The following MAGI2 variants were observed in gnomAD, a reference collection of about 807,000 sequenced individuals.
The protein encoded by MAGI2 is membrane-associated guanylate kinase, WW and PDZ domain-containing protein 2.
Under a neutral mutation model 133.3 loss-of-function variants are expected in MAGI2, and 35 were observed. The observed-to-expected ratio is 0.26, with a 90% CI of 0.20 to 0.35. MAGI2 has a LOEUF of 0.35. Ranked by LOEUF, MAGI2 falls within the 10% of genes least tolerant of loss-of-function variation. The pLI is 1.00. For missense variants in MAGI2, 1,636 were observed against 1,863.4 expected (o/e 0.88, Z 2.25); for synonymous variants, 729 against 710.6 (o/e 1.03, Z -0.41).
rs1815768950 is a variant in MAGI2, at chr7:79,078,721, T to A, written c.302-71515A>T. ...AGTCAATGAGAGCCAATTTTTATAA[T>A]TTAACTACTATAAACCAAGGAAATA... On this transcript the variant is annotated intron_variant, in intron 1 of 21. Transcript: ENST00000354212. Among the ~76,000 whole-genome samples the A allele has an allele frequency of 2.0e-5, 3 of 152,342 alleles. No homozygotes were observed. In the South Asian group the frequency reaches 6.2e-4, roughly 32 times the overall value.
At chr7:79,299,063 T>A (rs1461258566) in intron 1 of MAGI2, among the ~76,000 whole-genome samples, 2 of 152,122 alleles carry the variant, frequency 1.3e-5, no homozygotes, top group African/African-American at 4.8e-5. Flanking sequence ...GTTTTAATTT[T>A]AAAAAACTGA....
intron 10 of MAGI2, among the ~76,000 whole-genome samples, chr7:78,208,030 C>T (rs969821757): frequency 6.6e-5 from 10 of 151,818 alleles, no homozygotes; most frequent in South Asian, 2.1e-4. Flanking sequence ...CCACCATGCC[C>T]GGCTAATTTT....
At chr7:78,346,179 T>A in intron 7 of MAGI2, 136 bp from the exon 8 acceptor site, 1 of 943,172 alleles carries the variant, frequency 1.1e-6, no homozygotes, top group Non-Finnish European at 1.6e-6. Flanking sequence ...CAGCACGCGG[T>A]CAGGCTCCTG....
intron 2 of MAGI2, among the ~76,000 whole-genome samples, chr7:78,666,896 C>T (rs1813654140): frequency 6.6e-6 from 1 of 152,144 alleles, no homozygotes; most frequent in South Asian, 2.1e-4. Flanking sequence ...ACATCAGTTT[C>T]TTCAACACCA....
At chr7:78,445,416 G>A in intron 6 of MAGI2, among the ~76,000 whole-genome samples, 1 of 151,960 alleles carries the variant, frequency 6.6e-6, no homozygotes. Context: ...GTAAAATTCA[G>A]AAAGATTATG....
chr7:78,786,744 C>A (rs1261973288), intron 2 of MAGI2, among the ~76,000 whole-genome samples: 1 of 152,142 alleles, frequency 6.6e-6, no homozygotes, highest in African/African-American at 2.4e-5. Context: ...TTCTTTAGTG[C>A]TTATCAGTAT....
intron 2 of MAGI2, among the ~76,000 whole-genome samples, chr7:78,951,600 G>C (rs951396350): frequency 4.6e-5 from 7 of 152,150 alleles, no homozygotes; most frequent in African/African-American, 1.7e-4. Context: ...GGAACTGCAA[G>C]TCAAGATGAG....
intron 2 of MAGI2, among the ~76,000 whole-genome samples, chr7:78,644,510 T>C (rs865860817): frequency 6.6e-6 from 1 of 152,104 alleles, no homozygotes; most frequent in South Asian, 2.1e-4. Flanking sequence ...GAAATATATC[T>C]GGAAAAGCCT....
chr7:78,302,782 C>T (rs1041168407), intron 9 of MAGI2, among the ~76,000 whole-genome samples: 2 of 152,194 alleles, frequency 1.3e-5, no homozygotes, highest in Non-Finnish European at 2.9e-5. Flanking sequence ...CCCCCATTCC[C>T]CACCAAGCTA....
In MAGI2 at chr7:78,502,868, C is replaced by T. The variant is rs74965876; in HGVS notation, c.755-1081G>A. On this transcript the variant is annotated intron_variant, in intron 4 of 21. Transcript: ENST00000354212. ...AGGAACGCACAAGGAAGAAATAAGT[C>T]GACAAACAATAGAAGAAAATTTATC... is the stretch of plus-strand genomic sequence containing the variant. Among the ~76,000 whole-genome samples the T allele has an allele frequency of 1.1e-4, 17 of 152,076 alleles. No homozygotes were observed. The East Asian group carries it at 2.7e-3, about 24-fold the overall frequency.
At position 79,051,282 on chromosome 7, in the gene MAGI2, G is replaced by A. The variant is rs142826146; in HGVS notation, c.302-44076C>T. ...CCTGTAATAGATTGTCACTAATACC[G>A]TGTTACCAAGACCCCTCATTGTTCC... On this transcript the variant is annotated intron_variant, in intron 1 of 21. Coordinates refer to ENST00000354212, the MANE Select transcript of MAGI2 (RefSeq NM_012301.4). 9.6e-4 allele frequency among the ~76,000 whole-genome samples: 146 copies of A among 152,176 alleles called. 1 individual carries two copies. The highest frequency in any genetic ancestry group is 3.0e-3 in the African/African-American group (125 of 41,514).
intron 1 of MAGI2, among the ~76,000 whole-genome samples, chr7:79,279,511 A>G (rs1835470274): frequency 6.6e-6 from 1 of 152,320 alleles, no homozygotes; most frequent in African/African-American, 2.4e-5. Flanking sequence ...TCAATTTGTC[A>G]AAAGTGGGTT....
chr7:78,511,548 T>TAA (rs762909105), intron 4 of MAGI2, among the ~76,000 whole-genome samples: 114 of 114,892 alleles, frequency 9.9e-4, no homozygotes, highest in Non-Finnish European at 1.3e-3. Flanking sequence ...TATATATATA[T>TAA]AAATTTTTTT....
chr7:79,279,541 C>T lies in MAGI2; in HGVS notation c.301+173479G>A, dbSNP rs188182546. Among the ~76,000 whole-genome samples the T allele has an allele frequency of 9.9e-5, 15 of 152,210 alleles. No homozygotes were observed. In the East Asian group the frequency reaches 1.9e-3, roughly 20 times the overall value. On this transcript the variant is annotated intron_variant, in intron 1 of 21. Coordinates refer to ENST00000354212, the MANE Select transcript of MAGI2 (RefSeq NM_012301.4). The stretch of plus-strand genomic sequence containing the variant: ...TGGGTTATGGCTGGGTGGTGGCTCA[C>T]GCCTGTAATCCCAGCACTTTGAAAG...
intron 6 of MAGI2, among the ~76,000 whole-genome samples, chr7:78,441,363 A>T (rs940006328): frequency 6.6e-6 from 1 of 152,218 alleles, no homozygotes; most frequent in Non-Finnish European, 1.5e-5. Flanking sequence ...TTGTGGGGTA[A>T]AGCAGAGAAA....
chr7:78,718,474 G>A (rs571449135), intron 2 of MAGI2, among the ~76,000 whole-genome samples: 2 of 152,024 alleles, frequency 1.3e-5, no homozygotes, highest in Admixed American at 1.3e-4. Context: ...CCTGAACTCT[G>A]CCTGTCAGAT....
intron 6 of MAGI2, among the ~76,000 whole-genome samples, chr7:78,406,394 G>A (rs1423143508): frequency 6.6e-6 from 1 of 151,996 alleles, no homozygotes; most frequent in Non-Finnish European, 1.5e-5. Context: ...CACTTATACA[G>A]GGCATGCATT....
intron 2 of MAGI2, among the ~76,000 whole-genome samples, chr7:78,633,471 C>A (rs1443905550): frequency 6.6e-6 from 1 of 151,750 alleles, no homozygotes; most frequent in Non-Finnish European, 1.5e-5. Context: ...TTTGGGAGGC[C>A]GAGGCGGGTG....
chr7:79,299,692 T>C (rs549146417), intron 1 of MAGI2, among the ~76,000 whole-genome samples: 67 of 151,908 alleles, frequency 4.4e-4, no homozygotes, highest in Non-Finnish European at 8.4e-4. Context: ...AAAACGATAA[T>C]TGATCAGTGA....
Sources: allele counts gnomAD v4.1 joint callset (sites outside exome capture counted in the v4.1 genomes callset), GRCh38; gene constraint gnomAD v4.1.1; transcripts MANE v1.5; gene names NCBI Gene and HGNC (gene_info 2026-07-23, HGNC 2026-07-21).